The following LRP11 variants were observed in gnomAD, a reference collection of about 807,000 sequenced individuals.
LRP11 encodes the protein LDL receptor related protein 11.
A neutral mutation model predicts 43.1 loss-of-function variants in LRP11; 25 were observed. That is an observed-to-expected ratio of 0.58 (90% CI 0.42 to 0.81). The LOEUF (loss-of-function observed/expected upper bound fraction) is 0.81, where lower values mean the gene tolerates loss of function less well. Among genes scored for constraint, LRP11 ranks in the 30% least tolerant of loss-of-function variants. The pLI, the probability that LRP11 is intolerant of heterozygous loss-of-function variation, is 0.00. For synonymous variants in LRP11, 316 were observed against 299.4 expected (o/e 1.06, Z -0.57); for missense variants, 623 against 665.1 (o/e 0.94, Z 0.70).
At chr6:149,862,331 T>C (rs1024076520) in intron 1 of LRP11, among the ~76,000 whole-genome samples, 3 of 152,160 alleles carry the variant, frequency 2.0e-5, no homozygotes, top group African/African-American at 7.2e-5. Context: ...CTTGCTGATA[T>C]CATTCGTGCT....
intron 1 of LRP11, among the ~76,000 whole-genome samples, chr6:149,856,919 T>C (rs1348848871): frequency 6.6e-6 from 1 of 152,100 alleles, no homozygotes; most frequent in Admixed American, 6.5e-5. Context: ...CTCAGATACA[T>C]GCGGTCAAAA....
rs928393346 is a variant in LRP11, at chr6:149,827,354, T to C, written c.1253-995A>G. Among the ~76,000 whole-genome samples the C allele has an allele frequency of 1.5e-4, 23 of 152,384 alleles. No homozygotes were observed. The East Asian group carries it at 4.0e-3, about 27-fold the overall frequency. ...AATTTTTAAAGCTTCTTTACTCATA[T>C]GGCATCAACATAAATGTTCCTAATT... On this transcript the variant is annotated intron_variant, in intron 5 of 6. Transcript: ENST00000239367. The surrounding 1 kb of genome is among the most constrained non-coding windows in gnomAD (Gnocchi z 4.2).
At chr6:149,837,736 A>G (rs936346957) in intron 3 of LRP11, among the ~76,000 whole-genome samples, 3 of 152,138 alleles carry the variant, frequency 2.0e-5, no homozygotes, top group Admixed American at 6.5e-5. Flanking sequence ...CAGAAGCAAC[A>G]GCCCAGGTCT....
chr6:149,856,511 C>T (rs7745198), intron 1 of LRP11, among the ~76,000 whole-genome samples: 4 of 151,974 alleles, frequency 2.6e-5, no homozygotes, highest in South Asian at 2.1e-4. Context: ...AATAACAACA[C>T]GAAGAGGAAG....
intron 2 of LRP11, among the ~76,000 whole-genome samples, chr6:149,849,159 G>A (rs566678295): frequency 2.0e-5 from 3 of 152,268 alleles, no homozygotes; most frequent in South Asian, 2.1e-4. Flanking sequence ...AGCAACTGAC[G>A]AATGTAAATC....
intron 3 of LRP11, among the ~76,000 whole-genome samples, chr6:149,841,284 C>T (rs894374495): frequency 6.6e-6 from 1 of 152,146 alleles, no homozygotes; most frequent in Admixed American, 6.5e-5. Flanking sequence ...CCTCATTCTG[C>T]ACTCTGCTGG....
At position 149,859,397 on chromosome 6, in the gene LRP11, T is replaced by TATATATATATATATATATATGTATATA. The variant is rs1491456220; in HGVS notation, c.613+4010_613+4011insTATATACATATATATATATATATATAT. Among the ~76,000 whole-genome samples, 3 of 73,016 alleles carry TATATATATATATATATATATGTATATA rather than the reference T, an allele frequency of 4.1e-5. No individual in the cohort carries two copies. In the Admixed American group the frequency reaches 5.3e-4, roughly 13 times the overall value. 47.9% of individuals were successfully genotyped at this position (73,016 alleles called of 152,430 possible). ...TGACTCATATATATATATATATATA[T>TATATATATATATATATATATGTATATA]TTTTTTTTTTTTTTTTTTGACCGAG... On this transcript the variant is annotated intron_variant, in intron 1 of 6. Transcript: ENST00000239367.
At chr6:149,843,241 C>T (rs956705250) in intron 2 of LRP11, 117 bp from the exon 3 acceptor site, 9 of 1,106,434 alleles carry the variant, frequency 8.1e-6, no homozygotes, top group African/African-American at 7.7e-5. Flanking sequence ...CTCTGCACTC[C>T]GGCCCGAGGC....
At position 149,827,157 on chromosome 6, in the gene LRP11, G is replaced by A. The variant is rs1375519860; in HGVS notation, c.1253-798C>T. On this transcript the variant is annotated intron_variant, in intron 5 of 6. Coordinates refer to ENST00000239367, the MANE Select transcript of LRP11 (RefSeq NM_032832.6). The surrounding 1 kb of genome is among the most constrained non-coding windows in gnomAD (Gnocchi z 4.2). ...AATTTTTGTATTTTTAGTAGAGACG[G>A]GGTTTTGCCATGTTCCCCAGATGGG... is the stretch of plus-strand genomic sequence containing the variant. Among the ~76,000 whole-genome samples, 1 of 151,948 alleles carries A rather than the reference G, an allele frequency of 6.6e-6. No homozygotes were observed. Among genetic ancestry groups the A allele is most frequent in the Non-Finnish European group, 1.5e-5 (1 of 68,002 alleles).
chr6:149,853,378 G>C (rs886324444), intron 1 of LRP11, among the ~76,000 whole-genome samples: 2 of 151,888 alleles, frequency 1.3e-5, no homozygotes, highest in Admixed American at 1.3e-4. Context: ...AGCGATTTTG[G>C]GTACAAGGCA....
intron 2 of LRP11, among the ~76,000 whole-genome samples, chr6:149,845,012 A>G (rs1776611118): frequency 1.3e-5 from 2 of 152,208 alleles, no homozygotes; most frequent in Non-Finnish European, 2.9e-5. Context: ...ACCCATGATC[A>G]CACTGAAAGA....
At chr6:149,822,030 C>T (rs1776283741) in intron 6 of LRP11, among the ~76,000 whole-genome samples, 1 of 152,138 alleles carries the variant, frequency 6.6e-6, no homozygotes, top group Admixed American at 6.6e-5. Context: ...CCCCATTTTA[C>T]AAATGAGGGA....
At position 149,842,781 on chromosome 6, in the gene LRP11, ACCC is replaced by A. The variant is rs912352344; in HGVS notation, c.913+199_913+201del. The A allele has an allele frequency of 6.2e-6, 8 of 1,282,412 alleles. No homozygotes were observed. The African/African-American group carries it at 1.0e-4, about 17-fold the overall frequency. The allele number at this position is 1,282,412 out of a possible 1,614,324, so 79.4% of individuals were successfully genotyped here. A position where few individuals can be genotyped will look rare whatever the true frequency, so the allele number is the denominator to read the frequency against. ...TCTCATCCCCTGGAGTGCTTCCTCC[ACCC>A]CAACCCAGTAGCATCGGCTAAGCCC... On this transcript the variant is annotated intron_variant, in intron 3 of 6. Transcript: ENST00000239367.
chr6:149,822,324 T>C (rs1315481005), intron 6 of LRP11, among the ~76,000 whole-genome samples: 2 of 149,540 alleles, frequency 1.3e-5, no homozygotes, highest in Admixed American at 1.3e-4. Flanking sequence ...TGGGTGACAG[T>C]GTAAGGGCCT....
intron 1 of LRP11, among the ~76,000 whole-genome samples, chr6:149,855,711 TTAAA>T (rs1279568402): frequency 4.3e-5 from 6 of 139,004 alleles, no homozygotes; most frequent in African/African-American, 1.9e-4. Context: ...TTTTTTTTTT[TTAAA>T]AAAAAAACAC....
chr6:149,857,014 T>C (rs1776809959), intron 1 of LRP11, among the ~76,000 whole-genome samples: 1 of 152,244 alleles, frequency 6.6e-6, no homozygotes. Flanking sequence ...TGGTATGTAC[T>C]GATCCAGTCC....
At chr6:149,851,969 T>C (rs9383864) in intron 2 of LRP11, among the ~76,000 whole-genome samples, 54,944 of 151,956 alleles carry the variant, frequency 0.36, 10,790 homozygotes, top group East Asian at 0.81. Flanking sequence ...AACAACCAAA[T>C]ACTTATAAAA....
intron 2 of LRP11, 26 bp from the exon 3 acceptor site, chr6:149,843,150 G>T (rs748810207): frequency 1.2e-6 from 2 of 1,613,578 alleles, no homozygotes; most frequent in Non-Finnish European, 1.7e-6. Context: ...GACACATCAC[G>T]TCGAGCAGCA....
chr6:149,822,895 A>G (rs1216566021), intron 6 of LRP11, among the ~76,000 whole-genome samples: 2 of 152,100 alleles, frequency 1.3e-5, no homozygotes, highest in Non-Finnish European at 2.9e-5. Context: ...ATCAGGTGGA[A>G]TTTTCTCTTA....
Sources: allele counts gnomAD v4.1 joint callset (sites outside exome capture counted in the v4.1 genomes callset), GRCh38; gene constraint gnomAD v4.1.1; non-coding constraint Gnocchi (gnomAD v3.1); transcripts MANE v1.5; gene names NCBI Gene and HGNC (gene_info 2026-07-23, HGNC 2026-07-21).